Variants in USP15 observed in about 807,000 individuals in gnomAD.
USP15 encodes ubiquitin specific peptidase 15, also known as ubiquitin carboxyl-terminal hydrolase 15.
USP15 carries 18 observed loss-of-function variants against 127.1 expected under a neutral mutation model. The ratio of observed to expected loss-of-function variants is 0.14; its 90% confidence interval spans 0.10 to 0.21. The LOEUF (loss-of-function observed/expected upper bound fraction) is 0.21, where lower values mean the gene tolerates loss of function less well. Among genes scored for constraint, USP15 ranks in the 10% least tolerant of loss-of-function variants. The pLI is 1.00. For synonymous variants in USP15, 364 were observed against 393.7 expected (o/e 0.92, Z 0.89); for missense variants, 805 against 1,159.9 (o/e 0.69, Z 4.44).
At position 62,314,860 on chromosome 12, in the gene USP15, A is replaced by G; in HGVS notation, c.419A>G (p.Glu140Gly). Residue 140 changes from glutamate (E) to glycine (G), a missense_variant, in exon 4 of 22, where the codon GAA (glutamate) becomes GGA (glycine). Glu to Gly is a moderately conservative substitution (Grantham distance 98). Transcript: ENST00000280377. Reference sequence around the variant, plus strand: ...TATCTCACAGAATTGAAGCTATGTGAAAATGGAAACATGAATAATGTTGTA... The same window carrying G: ...TATCTCACAGAATTGAAGCTATGTGGAAATGGAAACATGAATAATGTTGTA... ...EVYLTELKLC[E>G]NGNMNNVVTR... The G allele has an allele frequency of 7.5e-6, 12 of 1,599,284 alleles. No individual in the cohort carries two copies. Among genetic ancestry groups the G allele is most frequent in the Non-Finnish European group, 1.0e-5 (12 of 1,172,820 alleles).
chr12:62,265,360 A>G (rs1368835201), intron 1 of USP15, among the ~76,000 whole-genome samples: 2 of 152,298 alleles, frequency 1.3e-5, no homozygotes, highest in African/African-American at 2.4e-5. Flanking sequence ...ATAAATGCAT[A>G]TTGACTTATT....
chr12:62,401,876 A>G (rs375442230), intron 21 of USP15, among the ~76,000 whole-genome samples: 2 of 134,936 alleles, frequency 1.5e-5, no homozygotes, highest in Admixed American at 7.7e-5. Flanking sequence ...GTGTGTGTAT[A>G]TGTATATATA....
intron 6 of USP15, among the ~76,000 whole-genome samples, chr12:62,329,425 C>G (rs2065220649): frequency 6.6e-6 from 1 of 152,038 alleles, no homozygotes. Context: ...ATAACTACAT[C>G]ATAGGGATCA....
intron 6 of USP15, among the ~76,000 whole-genome samples, chr12:62,333,821 A>G (rs905458025): frequency 1.2e-4 from 18 of 152,186 alleles, no homozygotes; most frequent in Non-Finnish European, 5.9e-5. Flanking sequence ...GAATATAAGC[A>G]TATATAAATT....
At chr12:62,384,446 G>T (rs2137582163) in intron 11 of USP15, 144 bp downstream of exon 11, 1 of 704,070 alleles carries the variant, frequency 1.4e-6, no homozygotes, top group South Asian at 2.2e-5. Context: ...TTGTATAAGA[G>T]ATTTTATAAG....
rs190181976 is a variant in USP15, at chr12:62,407,884, C to T, written c.*3509C>T. On this transcript the variant is annotated 3_prime_UTR_variant, in exon 22 of 22. Coordinates refer to ENST00000280377, the MANE Select transcript of USP15 (RefSeq NM_001252078.2). ...AGCCTTATAATTTAGTTTTAATTAA[C>T]CTCCTTGAAAAAGTTGCAGCCTGGT... is the stretch of plus-strand genomic sequence containing the variant. 1.3e-3 allele frequency: 197 copies of T among 152,190 alleles called. No homozygotes were observed. Among genetic ancestry groups the T allele is most frequent in the African/African-American group, 4.5e-3 (186 of 41,526 alleles). The allele number at this position is 152,190 out of a possible 1,614,324, so 9.4% of individuals were successfully genotyped here.
chr12:62,260,578 C>CT lies in USP15; in HGVS notation c.89+78dup. 3.5e-6 allele frequency: 5 copies of CT among 1,412,312 alleles called. No individual in the cohort carries two copies. In the South Asian group the frequency reaches 5.2e-5, roughly 15 times the overall value. 87.5% of individuals were successfully genotyped at this position (1,412,312 alleles called of 1,614,324 possible). ...AGTGGGCGGGAGCCGCGAGCTGGTTCTTTCGCTAGTGACAGGTGCGGGCAG... is the reference window on the plus strand; with the variant it reads ...AGTGGGCGGGAGCCGCGAGCTGGTTCTTTTCGCTAGTGACAGGTGCGGGCAG... On this transcript the variant is annotated intron_variant, in intron 1 of 21. Coordinates refer to ENST00000280377, the MANE Select transcript of USP15 (RefSeq NM_001252078.2).
intron 1 of USP15, among the ~76,000 whole-genome samples, chr12:62,272,643 C>T (rs923675758): frequency 2.0e-5 from 3 of 151,878 alleles, no homozygotes; most frequent in Admixed American, 1.3e-4. Context: ...TCTCTTTCTC[C>T]CTGCCAACTC....
intron 8 of USP15, among the ~76,000 whole-genome samples, chr12:62,369,768 A>T (rs1382846837): frequency 6.6e-6 from 1 of 152,210 alleles, no homozygotes; most frequent in Non-Finnish European, 1.5e-5. Context: ...AAATGAAACA[A>T]ATTTGTGACA....
intron 1 of USP15, among the ~76,000 whole-genome samples, chr12:62,269,959 A>G (rs2063308251): frequency 6.6e-6 from 1 of 152,060 alleles, no homozygotes; most frequent in South Asian, 2.1e-4. Flanking sequence ...GAACTGCTAG[A>G]CTGTTTTTCT....
Position 62,302,886 on chromosome 12 carries a change from C to T in USP15, c.314C>T (p.Thr105Ile). Residue 105 changes from threonine (T) to isoleucine (I), a missense_variant, in exon 3 of 22, where the codon ACA (threonine) becomes ATA (isoleucine). This residue lies in a region of USP15 where 69 missense variants were observed against 126.4 expected (regional missense o/e 0.55). Transcript: ENST00000280377. Reference sequence around the variant, plus strand: ...TGGAATAAACTTGTCAGCTGGTACACATTGATGGAAGGTCAAGAGCCAATA... The same window carrying T: ...TGGAATAAACTTGTCAGCTGGTACATATTGATGGAAGGTCAAGAGCCAATA... ...EGWNKLVSWY[T>I]LMEGQEPIAR... is the part of the protein sequence containing the mutation. The T allele has an allele frequency of 6.2e-7, 1 of 1,612,704 alleles. No homozygotes were observed. Among genetic ancestry groups the T allele is most frequent in the Non-Finnish European group, 8.5e-7 (1 of 1,179,084 alleles).
At chr12:62,266,012 A>G (rs1353861624) in intron 1 of USP15, among the ~76,000 whole-genome samples, 2 of 152,242 alleles carry the variant, frequency 1.3e-5, no homozygotes, top group Non-Finnish European at 2.9e-5. Flanking sequence ...TAGAACATGT[A>G]GGAAATCTTA....
chr12:62,311,877 A>T (rs2064690509), intron 3 of USP15, among the ~76,000 whole-genome samples: 1 of 151,756 alleles, frequency 6.6e-6, no homozygotes, highest in Non-Finnish European at 1.5e-5. Flanking sequence ...AGAAGGAAAA[A>T]TTTGACTTTT....
chr12:62,306,772 A>G (rs1486913805), intron 3 of USP15, among the ~76,000 whole-genome samples: 1 of 152,160 alleles, frequency 6.6e-6, no homozygotes, highest in African/African-American at 2.4e-5. Flanking sequence ...CTGAGCAAAG[A>G]TAAAACTCAG....
intron 6 of USP15, among the ~76,000 whole-genome samples, chr12:62,332,192 A>G (rs2065324531): frequency 6.6e-6 from 1 of 151,744 alleles, no homozygotes; most frequent in African/African-American, 2.4e-5. Flanking sequence ...AAAGTTTTCT[A>G]ACTGAATTTT....
intron 9 of USP15, 132 bp from the exon 10 acceptor site, chr12:62,383,708 G>T: frequency 8.9e-7 from 1 of 1,127,718 alleles, no homozygotes; most frequent in Non-Finnish European, 1.2e-6. Flanking sequence ...TGATTTTGGG[G>T]TTACAAATAC....
intron 15 of USP15, 30 bp downstream of exon 15, chr12:62,391,009 G>C: frequency 3.2e-6 from 5 of 1,585,220 alleles, no homozygotes; most frequent in Non-Finnish European, 4.3e-6. Flanking sequence ...TTGTACAAAT[G>C]TTTCACTTAG....
chr12:62,381,647 C>A lies in USP15; in HGVS notation c.1073C>A (p.Thr358Asn), dbSNP rs1282454838. The A allele has an allele frequency of 1.2e-6, 2 of 1,611,092 alleles. No individual in the cohort carries two copies. The part of the protein sequence containing the change: ...QMWSGKFSYV[T>N]PRAFKTQVGR... The stretch of plus-strand genomic sequence containing the variant: ...TGGTCTGGAAAGTTTAGCTACGTCA[C>A]CCCAAGAGCCTTTAAGGTTAGTGTG... Residue 358 changes from threonine to asparagine, a missense_variant, in exon 9 of 22, where the codon ACC becomes AAC. Physicochemically the swap from Thr to Asn is moderately conservative, Grantham distance 65 (BLOSUM62 0). Around this residue, in one of 11 missense-constraint regions of USP15, gnomAD observed 84 missense variants for 210.3 expected, o/e 0.40. Coordinates refer to ENST00000280377, the MANE Select transcript of USP15 (RefSeq NM_001252078.2).
At chr12:62,287,109 C>T (rs1274576618) in intron 1 of USP15, among the ~76,000 whole-genome samples, 2 of 151,852 alleles carry the variant, frequency 1.3e-5, no homozygotes, top group Non-Finnish European at 2.9e-5. Context: ...TAAGTAGGAG[C>T]TAAACATTGG....
Sources: allele counts gnomAD v4.1 joint callset (sites outside exome capture counted in the v4.1 genomes callset), GRCh38; gene constraint gnomAD v4.1.1; regional missense constraint gnomAD v4.1.1; transcripts MANE v1.5; gene names NCBI Gene and HGNC (gene_info 2026-07-23, HGNC 2026-07-21).